Variants in HDAC4 observed in about 807,000 individuals in gnomAD.
The protein encoded by HDAC4 is histone deacetylase A.
In HDAC4, 16 loss-of-function variants were observed where a neutral mutation model predicts 135.1. The observed-to-expected ratio is 0.12, with a 90% confidence interval of 0.08 to 0.18. The LOEUF is 0.18. Among genes scored for constraint, HDAC4 ranks in the 10% least tolerant of loss-of-function variants. The probability of loss-of-function intolerance (pLI) is 1.00; values close to 1 mark genes in which losing one functional copy is unlikely to be tolerated. For synonymous variants in HDAC4, 685 were observed against 653.4 expected, an observed-to-expected ratio of 1.05 and a Z score of -0.74; for missense variants, 1,143 against 1,511.8, an observed-to-expected ratio of 0.76 and a Z score of 4.05.
chr2:239,211,839 C>T (rs992837189), intron 3 of HDAC4, among the ~76,000 whole-genome samples: 2 of 152,074 alleles, frequency 1.3e-5, no homozygotes, highest in African/African-American at 2.4e-5. Flanking sequence ...AAATAAGCCC[C>T]GAAAAAAAGG....
chr2:239,149,699 G>A (rs568000853), intron 7 of HDAC4, among the ~76,000 whole-genome samples: 26 of 152,298 alleles, frequency 1.7e-4, no homozygotes, highest in African/African-American at 5.8e-4. Flanking sequence ...TTTGAAGCAC[G>A]TTGCTCACGT....
At position 239,115,308 on chromosome 2, in the gene HDAC4, G is replaced by A. The variant is rs763895735; in HGVS notation, c.1536C>T (p.Ile512=). Residue 512 remains isoleucine, a splice_region_variant and synonymous_variant, in exon 13 of 27, where the codon ATC becomes ATT. Coordinates refer to ENST00000543185, the MANE Select transcript of HDAC4 (RefSeq NM_001378414.1). The surrounding 1 kb of genome is among the most constrained non-coding windows in gnomAD (Gnocchi z 6.3). ...GGGCTGGCTCGCTTGGCTTGGGGAT[G>A]ATCTGCAAGGCGGAGGTAACACATG... is the stretch of plus-strand genomic sequence containing the variant. ...FQQQQLQMNK[I]IPKPSEPARQ... 3.1e-6 allele frequency: 5 copies of A among 1,613,184 alleles called. No individual in the cohort carries two copies. Among genetic ancestry groups the A allele is most frequent in the Non-Finnish European group, 3.4e-6 (4 of 1,180,002 alleles).
At chr2:239,153,258 A>T (rs150811533) in intron 7 of HDAC4, among the ~76,000 whole-genome samples, 128 of 152,390 alleles carry the variant, frequency 8.4e-4, no homozygotes, top group African/African-American at 3.0e-3. Context: ...AGCTTTTCAC[A>T]TGTTCACAGG....
At position 239,352,817 on chromosome 2, in the gene HDAC4, C is replaced by T. The variant is rs1693251952; in HGVS notation, c.-118G>A. ...CATACAAGTACCGGGACGGTGAGGGCTGGGTCACAGACGTTCAAGCGCCGA... is the reference window on the plus strand; with the variant it reads ...CATACAAGTACCGGGACGGTGAGGGTTGGGTCACAGACGTTCAAGCGCCGA... On this transcript the variant is annotated 5_prime_UTR_variant, in exon 2 of 27. Transcript: ENST00000543185. This position sits in a 1 kb window ranked among gnomAD's most constrained non-coding sequence, Gnocchi z 4.4. The T allele has an allele frequency of 4.7e-6, 5 of 1,061,710 alleles. No individual in the cohort carries two copies. In the Admixed American group the frequency reaches 6.0e-5, roughly 13 times the overall value. The allele number at this position is 1,061,710 out of a possible 1,614,324, so 65.8% of individuals were successfully genotyped here. A position where few individuals can be genotyped will look rare whatever the true frequency, so the allele number is the denominator to read the frequency against.
chr2:239,243,155 C>CT (rs1285513656), intron 2 of HDAC4, among the ~76,000 whole-genome samples: 1,922 of 141,416 alleles, frequency 0.014, 14 homozygotes, highest in African/African-American at 0.017. Context: ...ATTAACATTC[C>CT]TTTTTTTTTT....
intron 12 of HDAC4, among the ~76,000 whole-genome samples, chr2:239,124,753 CATGTTATGTGACATTCT>C (rs2040020759): frequency 7.8e-6 from 1 of 128,304 alleles, no homozygotes; most frequent in African/African-American, 2.8e-5. Flanking sequence ...TATGACATTC[CATGTTATGTGACATTCT>C]GGTGTGCTGG....
chr2:239,198,560 G>A (rs771982261), intron 3 of HDAC4, among the ~76,000 whole-genome samples: 5 of 152,270 alleles, frequency 3.3e-5, no homozygotes, highest in South Asian at 2.1e-4. Flanking sequence ...ATGCAGAGGC[G>A]CTCAGGATCA....
intron 3 of HDAC4, among the ~76,000 whole-genome samples, chr2:239,226,699 T>A (rs1346572106): frequency 6.6e-6 from 1 of 151,884 alleles, no homozygotes; most frequent in East Asian, 1.9e-4. Context: ...ACCCAAACAA[T>A]CTAATGTCCA....
intron 18 of HDAC4, 199 bp downstream of exon 18, chr2:239,089,810 T>C (rs1006515412): frequency 3.3e-6 from 2 of 610,678 alleles, no homozygotes; most frequent in Non-Finnish European, 6.0e-6. Context: ...CTCTGTACTA[T>C]GCACATACCC....
At chr2:239,324,957 C>G (rs1418615529) in intron 2 of HDAC4, among the ~76,000 whole-genome samples, 2 of 152,212 alleles carry the variant, frequency 1.3e-5, no homozygotes, top group Non-Finnish European at 2.9e-5. Context: ...GATCTTTCCT[C>G]TAAGACACAT....
chr2:239,274,334 G>A (rs190578172), intron 2 of HDAC4, among the ~76,000 whole-genome samples: 12 of 152,198 alleles, frequency 7.9e-5, no homozygotes, highest in Admixed American at 6.5e-4. Context: ...AAGTTTCCAC[G>A]ATTCCCTGGA....
intron 2 of HDAC4, among the ~76,000 whole-genome samples, chr2:239,281,009 TC>T (rs2050694694): frequency 8.0e-6 from 1 of 124,834 alleles, no homozygotes; most frequent in Non-Finnish European, 1.7e-5. Flanking sequence ...CACACCACTC[TC>T]AATGTACACA....
chr2:239,279,761 C>A (rs1181353524), intron 2 of HDAC4, among the ~76,000 whole-genome samples: 1 of 152,230 alleles, frequency 6.6e-6, no homozygotes, highest in African/African-American at 2.4e-5. Flanking sequence ...ATGGGGGCGA[C>A]TGAGTGAGGA....
At chr2:239,191,204 G>C (rs1339211570) in intron 3 of HDAC4, 1 of 341,650 alleles carries the variant, frequency 2.9e-6, no homozygotes, top group African/African-American at 2.2e-5. Context: ...AAGCTCAGAG[G>C]GGTGTCTGGG....
intron 7 of HDAC4, among the ~76,000 whole-genome samples, chr2:239,150,787 TGCACCTCCTGAAGTATATACC>T (rs1477140255): frequency 2.1e-5 from 3 of 143,232 alleles, no homozygotes; most frequent in Non-Finnish European, 4.5e-5. Context: ...CTCACTACGC[TGCACCTCCTGAAGTATATACC>T]GCACCTCCTG....
chr2:239,090,431 CTTTTTTT>C (rs76486832), intron 17 of HDAC4, among the ~76,000 whole-genome samples: 1 of 132,584 alleles, frequency 7.5e-6, no homozygotes, highest in East Asian at 2.2e-4. Flanking sequence ...GATCTATTTC[CTTTTTTT>C]TTTTTTTTTT....
chr2:239,117,493 A>G (rs548691128), intron 12 of HDAC4, among the ~76,000 whole-genome samples: 21 of 151,262 alleles, frequency 1.4e-4, no homozygotes, highest in Non-Finnish European at 2.5e-4. Flanking sequence ...TGGGAGCCAG[A>G]AAAGGGATGA....
At chr2:239,076,748 C>T (rs1163852973) in intron 22 of HDAC4, among the ~76,000 whole-genome samples, 2 of 152,202 alleles carry the variant, frequency 1.3e-5, no homozygotes, top group Non-Finnish European at 2.9e-5. Context: ...TACTAAGGGG[C>T]CTCCAGGTGG....
At chr2:239,152,077 A>C (rs926025059) in intron 7 of HDAC4, among the ~76,000 whole-genome samples, 5 of 152,220 alleles carry the variant, frequency 3.3e-5, no homozygotes, top group Admixed American at 1.3e-4. Flanking sequence ...ACGGTGACTA[A>C]TATCTTTAAG....
Sources: allele counts gnomAD v4.1 joint callset (sites outside exome capture counted in the v4.1 genomes callset), GRCh38; gene constraint gnomAD v4.1.1; non-coding constraint Gnocchi (gnomAD v3.1); transcripts MANE v1.5; gene names NCBI Gene and HGNC (gene_info 2026-07-23, HGNC 2026-07-21).